HDAC1: variants seen among roughly 807,000 people sequenced by gnomAD.
HDAC1 encodes the protein histone deacetylase 1, also known as protein deacetylase HDAC1.
Under a neutral mutation model 65.5 loss-of-function variants are expected in HDAC1, and 18 were observed. The observed-to-expected ratio is 0.27, with a 90% CI of 0.19 to 0.41. HDAC1 has a LOEUF of 0.41. HDAC1 is among the 10% of genes least tolerant of loss of function. The probability of loss-of-function intolerance (pLI) is 1.00; values close to 1 mark genes in which losing one functional copy is unlikely to be tolerated. For missense variants in HDAC1, 373 were observed against 625.2 expected, an observed-to-expected ratio of 0.60 and a Z score of 4.30; for synonymous variants, 211 against 227.9, an observed-to-expected ratio of 0.93 and a Z score of 0.67.
chr1:32,325,659 G>T (rs1423062346), intron 4 of HDAC1, among the ~76,000 whole-genome samples: 1 of 152,138 alleles, frequency 6.6e-6, no homozygotes, highest in East Asian at 1.9e-4. Context: ...CCATGTTGTG[G>T]ATTTACTTGA....
At chr1:32,318,521 C>G (rs934275862) in intron 3 of HDAC1, among the ~76,000 whole-genome samples, 1 of 151,536 alleles carries the variant, frequency 6.6e-6, no homozygotes, top group Non-Finnish European at 1.5e-5. Context: ...CATGATTGTA[C>G]TACTGCACTC....
chr1:32,299,404 A>G (rs1640815182), intron 1 of HDAC1, among the ~76,000 whole-genome samples: 1 of 152,130 alleles, frequency 6.6e-6, no homozygotes, highest in African/African-American at 2.4e-5. Context: ...CTCTACAAAC[A>G]AACAAACAAA....
chr1:32,297,777 A>AT (rs71571709), intron 1 of HDAC1, among the ~76,000 whole-genome samples: 3,209 of 72,160 alleles, frequency 0.044, 599 homozygotes, highest in African/African-American at 0.056. Context: ...CGCCTGGCTA[A>AT]TTTTTTTTTT....
intron 1 of HDAC1, among the ~76,000 whole-genome samples, chr1:32,301,495 C>T (rs192011733): frequency 2.5e-4 from 38 of 151,200 alleles, no homozygotes; most frequent in Non-Finnish European, 4.7e-4. Flanking sequence ...GCTGGCCAGG[C>T]GCGGTGGCTC....
At chr1:32,325,441 G>T (rs1641204102) in intron 4 of HDAC1, among the ~76,000 whole-genome samples, 1 of 152,200 alleles carries the variant, frequency 6.6e-6, no homozygotes, top group Non-Finnish European at 1.5e-5. Flanking sequence ...CACAGGGTTG[G>T]TGGATAACCT....
In HDAC1 at chr1:32,304,275, G is replaced by A. The variant is rs74354428; in HGVS notation, c.162+1542G>A. ...TGTCATGTCTCTGGAGCCAGTGGAG[G>A]CAACTGGGGAAGCAAGGAAGGAAAG... On this transcript the variant is annotated intron_variant, in intron 2 of 13. Transcript: ENST00000373548. 2.9e-3 allele frequency among the ~76,000 whole-genome samples: 447 copies of A among 152,310 alleles called. 18 individuals carry two copies. In the East Asian group the frequency reaches 0.067, roughly 23 times the overall value.
chr1:32,297,161 T>C (rs1212306773), intron 1 of HDAC1, among the ~76,000 whole-genome samples: 1 of 152,148 alleles, frequency 6.6e-6, no homozygotes, highest in Non-Finnish European at 1.5e-5. Flanking sequence ...AAGAATCATT[T>C]TGAGGCTGGA....
intron 12 of HDAC1, 55 bp downstream of exon 12, chr1:32,332,297 G>A (rs2148073822): frequency 6.6e-7 from 1 of 1,523,160 alleles, no homozygotes; most frequent in Non-Finnish European, 8.9e-7. Context: ...ATGAATCTAT[G>A]TAGGGCAGTG....
intron 2 of HDAC1, among the ~76,000 whole-genome samples, chr1:32,305,970 C>G (rs560547888): frequency 3.3e-5 from 5 of 152,190 alleles, no homozygotes; most frequent in African/African-American, 1.2e-4. Flanking sequence ...ACTCATCAAG[C>G]ACCTACTTTG....
At chr1:32,319,927 A>C (rs1641116777) in intron 3 of HDAC1, among the ~76,000 whole-genome samples, 1 of 151,758 alleles carries the variant, frequency 6.6e-6, no homozygotes. Context: ...TAAAAAAAAA[A>C]CACACATGGC....
Position 32,316,671 on chromosome 1 carries a change from C to T in HDAC1, c.169C>T (p.His57Tyr), listed in dbSNP as rs759301078. ...TCTCCCTTCTGCCCTCTAGCGCCCT[C>T]ACAAAGCCAATGCTGAGGAGATGAC... The part of the protein sequence containing the change: ...LYRKMEIYRP[H>Y]KANAEEMTKY... Residue 57 changes from histidine to tyrosine, a missense_variant, in exon 3 of 14, where the codon CAC (histidine) becomes TAC (tyrosine). Transcript: ENST00000373548. 6.2e-7 allele frequency: 1 copy of T among 1,610,490 alleles called. No homozygotes were observed. The highest frequency in any genetic ancestry group is 8.5e-7 in the Non-Finnish European group (1 of 1,177,046).
chr1:32,317,907 C>T (rs1641086314), intron 3 of HDAC1, among the ~76,000 whole-genome samples: 1 of 152,196 alleles, frequency 6.6e-6, no homozygotes, highest in Non-Finnish European at 1.5e-5. Context: ...AATAAGCTTT[C>T]ATGTCTTAGT....
At chr1:32,323,361 C>T (rs1641174779) in intron 3 of HDAC1, among the ~76,000 whole-genome samples, 1 of 151,890 alleles carries the variant, frequency 6.6e-6, no homozygotes, top group African/African-American at 2.4e-5. Flanking sequence ...CATTTACTAA[C>T]AGCTCACCTC....
rs770126719 is a variant in HDAC1, at chr1:32,302,605, ACT to A, written c.50-9_50-8del. On this transcript the variant is annotated splice_polypyrimidine_tract_variant and intron_variant, in intron 1 of 13. Coordinates refer to ENST00000373548, the MANE Select transcript of HDAC1 (RefSeq NM_004964.3). ...GCCTAACTGTGTTAGTGAAGCTGTC[ACT>A]CTCTCTTCTTCAGGGGATGTTGGAA... The A allele has an allele frequency of 1.6e-6, 2 of 1,288,880 alleles. No individual in the cohort carries two copies. The highest frequency in any genetic ancestry group is 1.5e-5 in the African/African-American group (1 of 68,660). The allele number at this position is 1,288,880 out of a possible 1,614,324, so 79.8% of individuals were successfully genotyped here. A position where few individuals can be genotyped will look rare whatever the true frequency, so the allele number is the denominator to read the frequency against.
intron 1 of HDAC1, among the ~76,000 whole-genome samples, chr1:32,301,148 A>C (rs1485697127): frequency 6.8e-6 from 1 of 147,502 alleles, no homozygotes; most frequent in Non-Finnish European, 1.5e-5. Context: ...CTGGAAAGGC[A>C]GATTAAGAAA....
chr1:32,299,865 G>C (rs1172205764), intron 1 of HDAC1, among the ~76,000 whole-genome samples: 2 of 152,100 alleles, frequency 1.3e-5, no homozygotes, highest in African/African-American at 4.8e-5. Flanking sequence ...GACCATCCTG[G>C]TTAACACGGT....
intron 2 of HDAC1, among the ~76,000 whole-genome samples, chr1:32,309,680 C>CAAAAAA (rs560312057): frequency 3.9e-5 from 2 of 50,906 alleles, no homozygotes; most frequent in African/African-American, 6.5e-5. Flanking sequence ...GAGCGAGTCT[C>CAAAAAA]AAAAAAAAAA....
chr1:32,296,673 C>T (rs940888622), intron 1 of HDAC1, among the ~76,000 whole-genome samples: 3 of 152,280 alleles, frequency 2.0e-5, no homozygotes, highest in Non-Finnish European at 1.5e-5. Context: ...GCCATCATGC[C>T]CAGCTGGTTG....
At position 32,329,267 on chromosome 1, in the gene HDAC1, G is replaced by C; in HGVS notation, c.729+107G>C. On this transcript the variant is annotated intron_variant, in intron 7 of 13. Coordinates refer to ENST00000373548, the MANE Select transcript of HDAC1 (RefSeq NM_004964.3). The surrounding 1 kb of genome is among the most constrained non-coding windows in gnomAD (Gnocchi z 4.1). ...TCAGGAATCTCTCCTTACTAAAGCT[G>C]GTGGGGAGATAGAAGTGTTTGAACC... The C allele has an allele frequency of 6.5e-6, 5 of 765,634 alleles. No individual in the cohort carries two copies. Among genetic ancestry groups the C allele is most frequent in the Non-Finnish European group, 1.2e-5 (5 of 420,492 alleles). The allele number at this position is 765,634 out of a possible 1,614,324, so 47.4% of individuals were successfully genotyped here. A position where few individuals can be genotyped will look rare whatever the true frequency, so the allele number is the denominator to read the frequency against.
Sources: allele counts gnomAD v4.1 joint callset (sites outside exome capture counted in the v4.1 genomes callset), GRCh38; gene constraint gnomAD v4.1.1; non-coding constraint Gnocchi (gnomAD v3.1); transcripts MANE v1.5; gene names NCBI Gene and HGNC (gene_info 2026-07-23, HGNC 2026-07-21).